The following PHLPP1 variants were observed in gnomAD, a reference collection of about 807,000 sequenced individuals.
PHLPP1 encodes PH domain and leucine rich repeat protein phosphatase 1.
PHLPP1 carries 42 observed loss-of-function variants against 117.2 expected under a neutral mutation model. The observed-to-expected ratio is 0.36, with a 90% CI of 0.28 to 0.46. The LOEUF (loss-of-function observed/expected upper bound fraction) is 0.46. Ranked by LOEUF, PHLPP1 falls within the 20% of genes least tolerant of loss-of-function variation. PHLPP1 has a pLI of 1.00. For synonymous variants in PHLPP1, 1,042 were observed against 970.7 expected, an observed-to-expected ratio of 1.07 and a Z score of -1.37; for missense variants, 2,084 against 2,241.9, an observed-to-expected ratio of 0.93 and a Z score of 1.42.
At chr18:62,882,319 A>G (rs2144385437) in intron 4 of PHLPP1, among the ~76,000 whole-genome samples, 1 of 149,460 alleles carries the variant, frequency 6.7e-6, no homozygotes, top group South Asian at 2.1e-4. Flanking sequence ...CCCAGGCTGG[A>G]GTGCAGTGGC....
intron 1 of PHLPP1, among the ~76,000 whole-genome samples, chr18:62,728,977 C>T (rs566561019): frequency 6.6e-6 from 1 of 152,018 alleles, no homozygotes; most frequent in African/African-American, 2.4e-5. Flanking sequence ...TGAAATAGCT[C>T]TAACTTGAGA....
At chr18:62,785,601 T>C (rs1005495295) in intron 1 of PHLPP1, among the ~76,000 whole-genome samples, 4 of 152,198 alleles carry the variant, frequency 2.6e-5, no homozygotes, top group Non-Finnish European at 4.4e-5. Context: ...AAAAAAAGTT[T>C]CCTTACAGGC....
intron 1 of PHLPP1, among the ~76,000 whole-genome samples, chr18:62,735,564 A>AAACAACAACAACAACAAC (rs34600395): frequency 8.4e-5 from 12 of 142,876 alleles, no homozygotes; most frequent in Non-Finnish European, 1.6e-4. Context: ...CCCCCCATCA[A>AAACAACAACAACAACAAC]AACAACAACA....
At chr18:62,793,931 A>G (rs1215182014) in intron 1 of PHLPP1, among the ~76,000 whole-genome samples, 4 of 152,232 alleles carry the variant, frequency 2.6e-5, no homozygotes, top group African/African-American at 7.2e-5. Context: ...CTGAAATTAT[A>G]CAAGTTTGGT....
chr18:62,962,529 G>A (rs1015614497), intron 13 of PHLPP1, among the ~76,000 whole-genome samples: 5 of 152,096 alleles, frequency 3.3e-5, no homozygotes, highest in African/African-American at 4.8e-5. Context: ...GGCTGATCTC[G>A]AACTCCCGAC....
At position 62,946,894 on chromosome 18, in the gene PHLPP1, A is replaced by G. The variant is rs140302695; in HGVS notation, c.3324+1623A>G. Among the ~76,000 whole-genome samples the G allele has an allele frequency of 6.6e-5, 10 of 152,232 alleles. No homozygotes were observed. The East Asian group carries it at 1.9e-3, about 30-fold the overall frequency. ...CGGTGAAACCCTGTCTCTACTAAAA[A>G]TAGAAAAAATTAGCCGGGCATGGTG... On this transcript the variant is annotated intron_variant, in intron 12 of 16. Transcript: ENST00000262719.
chr18:62,866,712 G>A (rs1194302893), intron 4 of PHLPP1, among the ~76,000 whole-genome samples: 2 of 152,134 alleles, frequency 1.3e-5, no homozygotes. Flanking sequence ...AAATATCCAG[G>A]TGGAGGGATA....
At chr18:62,757,813 G>A (rs994117937) in intron 1 of PHLPP1, among the ~76,000 whole-genome samples, 1 of 152,148 alleles carries the variant, frequency 6.6e-6, no homozygotes, top group African/African-American at 2.4e-5. Context: ...TCACCTGCTT[G>A]CAGACCTGTG....
At chr18:62,788,565 G>T (rs986590928) in intron 1 of PHLPP1, among the ~76,000 whole-genome samples, 1 of 150,456 alleles carries the variant, frequency 6.6e-6, no homozygotes, top group Non-Finnish European at 1.5e-5. Flanking sequence ...GGGTTTTTTT[G>T]TTTTTTTTTG....
At chr18:62,960,083 T>TA (rs1910722865) in intron 13 of PHLPP1, among the ~76,000 whole-genome samples, 1 of 152,216 alleles carries the variant, frequency 6.6e-6, no homozygotes, top group Non-Finnish European at 1.5e-5. Context: ...AGCTTTTGAG[T>TA]ATTTTTTATA....
intron 1 of PHLPP1, among the ~76,000 whole-genome samples, chr18:62,821,548 CCAAAAAAAAAAA>C (rs1216071370): frequency 5.5e-4 from 16 of 29,342 alleles, no homozygotes; most frequent in South Asian, 2.4e-3. Context: ...GACCCTTTAT[CCAAAAAAAAAAA>C]AAAAAAAAAA....
At chr18:62,734,677 T>C (rs1911321468) in intron 1 of PHLPP1, among the ~76,000 whole-genome samples, 1 of 152,208 alleles carries the variant, frequency 6.6e-6, no homozygotes. Context: ...CCAAATAAAA[T>C]ACTTCTAATT....
chr18:62,970,015 C>T (rs756306194), intron 14 of PHLPP1, among the ~76,000 whole-genome samples: 7 of 151,820 alleles, frequency 4.6e-5, no homozygotes, highest in Non-Finnish European at 1.0e-4. Flanking sequence ...TCTATTTGTG[C>T]CATCTGTTCT....
chr18:62,883,510 C>T (rs1916214602), intron 4 of PHLPP1, among the ~76,000 whole-genome samples: 1 of 152,062 alleles, frequency 6.6e-6, no homozygotes, highest in African/African-American at 2.4e-5. Flanking sequence ...TAATTTTTGC[C>T]CATTAGATTG....
rs185389549 is a variant in PHLPP1 at position 62,850,882 on chromosome 18, G to A, written c.1900-9553G>A. Among the ~76,000 whole-genome samples the A allele has an allele frequency of 7.9e-4, 121 of 152,306 alleles. 4 individuals are homozygous for A. Among genetic ancestry groups the A allele is most frequent in the Admixed American group, 7.4e-3 (113 of 15,304 alleles). On this transcript the variant is annotated intron_variant, in intron 3 of 16. Transcript: ENST00000262719. ...ATGCAGCAGAAGTGCCTGTGAATACGTGGCTCATTTTGTCAAGGGAGGGGA... is the reference window on the plus strand; with the variant it reads ...ATGCAGCAGAAGTGCCTGTGAATACATGGCTCATTTTGTCAAGGGAGGGGA...
intron 1 of PHLPP1, among the ~76,000 whole-genome samples, chr18:62,747,358 C>T (rs1911708918): frequency 6.7e-6 from 1 of 148,376 alleles, no homozygotes; most frequent in Non-Finnish European, 1.5e-5. Context: ...GATCTTGGCT[C>T]ACTGCAACCT....
chr18:62,930,405 CAA>C (rs1439160674), intron 10 of PHLPP1, among the ~76,000 whole-genome samples: 7 of 151,906 alleles, frequency 4.6e-5, no homozygotes, highest in Non-Finnish European at 7.4e-5. Context: ...AAATAGAAAA[CAA>C]AAGAGTAGGA....
At chr18:62,805,479 T>C (rs150071109) in intron 1 of PHLPP1, among the ~76,000 whole-genome samples, 26 of 152,222 alleles carry the variant, frequency 1.7e-4, no homozygotes, top group African/African-American at 6.0e-4. Flanking sequence ...CACCTCAGCT[T>C]CCTGAGTAAC....
chr18:62,873,627 G>A (rs500424), intron 4 of PHLPP1, among the ~76,000 whole-genome samples: 69,600 of 151,920 alleles, frequency 0.46, 16,308 homozygotes, highest in African/African-American at 0.56. Flanking sequence ...GCTGGTTCTA[G>A]AAATGGAATT....
Sources: gnomAD v4.1 joint callset for allele counts (sites outside exome capture counted in the v4.1 genomes callset) on GRCh38, gnomAD v4.1.1 for gene constraint, MANE v1.5 for transcripts, NCBI Gene and HGNC (gene_info 2026-07-23, HGNC 2026-07-21) for gene names.